SLK: variants seen among roughly 807,000 people sequenced by gnomAD.
SLK encodes STE20-like serine/threonine-protein kinase.
SLK carries 67 observed loss-of-function variants against 147.7 expected under a neutral mutation model. The ratio of observed to expected loss-of-function variants is 0.45; its 90% CI spans 0.37 to 0.56. The LOEUF is 0.56. Ranked by LOEUF, SLK falls within the 20% of genes least tolerant of loss-of-function variation. The pLI, the probability that SLK is intolerant of heterozygous loss-of-function variation, is 0.00. For synonymous variants in SLK, 441 were observed against 475.0 expected (o/e 0.93, Z 0.93); for missense variants, 1,136 against 1,438.8 (o/e 0.79, Z 3.41).
At chr10:104,005,847 A>G in intron 10 of SLK, 65 bp from the exon 11 acceptor site, 1 of 1,552,590 alleles carries the variant, frequency 6.4e-7, no homozygotes, top group Non-Finnish European at 8.7e-7. Context: ...AAGCTTTAAA[A>G]AAAAACGTAT....
chr10:103,989,274 C>T (rs76982319), intron 1 of SLK, among the ~76,000 whole-genome samples: 2 of 151,962 alleles, frequency 1.3e-5, no homozygotes, highest in African/African-American at 2.4e-5. Flanking sequence ...AAAAGATGCT[C>T]GACATCATAT....
At chr10:103,992,854 A>G (rs1844119062) in intron 3 of SLK, 130 bp from the exon 4 acceptor site, 2 of 522,386 alleles carry the variant, frequency 3.8e-6, no homozygotes, top group Non-Finnish European at 6.3e-6. Flanking sequence ...CTTTGTAGAT[A>G]TAGTTCTTTT....
At chr10:104,010,674 C>T (rs1564661246) in intron 12 of SLK, 142 bp from the exon 13 acceptor site, 2 of 452,086 alleles carry the variant, frequency 4.4e-6, no homozygotes, top group East Asian at 6.9e-5. Flanking sequence ...TTCTTTTTCA[C>T]CAGACTAACA....
chr10:103,999,421 G>A (rs768115476), intron 6 of SLK, 108 bp downstream of exon 6: 12 of 810,962 alleles, frequency 1.5e-5, no homozygotes, highest in Non-Finnish European at 2.1e-5. Flanking sequence ...TGGATACATG[G>A]TTCGAAGACT....
At chr10:103,993,760 A>G (rs1844130312) in intron 4 of SLK, among the ~76,000 whole-genome samples, 1 of 152,220 alleles carries the variant, frequency 6.6e-6, no homozygotes, top group Admixed American at 6.5e-5. Flanking sequence ...AAGTCTAGAG[A>G]TGAAGTCCAA....
chr10:104,000,614 A>G (rs1434034652), intron 7 of SLK, among the ~76,000 whole-genome samples: 3 of 152,242 alleles, frequency 2.0e-5, no homozygotes, highest in Non-Finnish European at 4.4e-5. Flanking sequence ...AATGTTGAGT[A>G]TACAAAGATG....
chr10:104,029,169 TGA>T lies in SLK; in HGVS notation c.*3453_*3454del, dbSNP rs1844635429. On this transcript the variant is annotated 3_prime_UTR_variant, in exon 19 of 19. Transcript: ENST00000369755. Reference sequence around the variant, plus strand: ...TTTAAGATTATGCCTCTTATCTACTTGAGAGCAACATGTCTTTTCAATCATGG... The same window carrying T: ...TTTAAGATTATGCCTCTTATCTACTTGAGCAACATGTCTTTTCAATCATGG... The T allele has an allele frequency of 1.3e-5, 2 of 152,344 alleles. No homozygotes were observed. The highest frequency in any genetic ancestry group is 4.1e-4 in the South Asian group (2 of 4,830). The allele number at this position is 152,344 out of a possible 1,614,324, so 9.4% of individuals were successfully genotyped here. A position where few individuals can be genotyped will look rare whatever the true frequency, so the allele number is the denominator to read the frequency against.
intron 18 of SLK, 53 bp downstream of exon 18, chr10:104,021,786 C>T (rs540557215): frequency 8.1e-5 from 74 of 915,524 alleles, no homozygotes; most frequent in Non-Finnish European, 1.2e-4. Flanking sequence ...TCCGTCTACC[C>T]AGCTATTGGC....
intron 12 of SLK, among the ~76,000 whole-genome samples, chr10:104,009,666 T>C (rs1011493082): frequency 6.6e-6 from 1 of 152,166 alleles, no homozygotes; most frequent in African/African-American, 2.4e-5. Flanking sequence ...CAGATAAATA[T>C]ATGGTTTAAT....
At chr10:103,989,464 C>CTTTT (rs68033075) in intron 1 of SLK, among the ~76,000 whole-genome samples, 10 of 78,580 alleles carry the variant, frequency 1.3e-4, no homozygotes, top group East Asian at 3.9e-4. Context: ...GTGGCAGTTT[C>CTTTT]TTTTTTTTTT....
At chr10:103,976,432 A>G (rs781516331) in intron 1 of SLK, among the ~76,000 whole-genome samples, 3 of 152,036 alleles carry the variant, frequency 2.0e-5, no homozygotes, top group Non-Finnish European at 2.9e-5. Flanking sequence ...TGTTATTAAT[A>G]TTATCTTTAA....
intron 14 of SLK, 60 bp downstream of exon 14, chr10:104,018,349 T>C: frequency 6.8e-7 from 1 of 1,476,716 alleles, no homozygotes; most frequent in Non-Finnish European, 9.3e-7. Context: ...ACAGTAGAAG[T>C]GAATGTAAAC....
chr10:104,002,757 A>G lies in SLK; in HGVS notation c.1579A>G (p.Thr527Ala). The G allele has an allele frequency of 6.2e-7, 1 of 1,614,034 alleles. No homozygotes were observed. The highest frequency in any genetic ancestry group is 8.5e-7 in the Non-Finnish European group (1 of 1,179,994). ...DSEVGLTKED[T>A]QEKLGEDDKT... ...TGAAGTTGGGCTTACAAAGGAAGAC[A>G]CCCAAGAGAAATTGGGGGAAGACGA... Residue 527 changes from threonine to alanine, a missense_variant, in exon 9 of 19, where the codon ACC becomes GCC. Thr to Ala is a moderately conservative substitution (Grantham distance 58, BLOSUM62 0). Around this residue, in one of 6 missense-constraint regions of SLK, gnomAD observed 516 missense variants for 531.3 expected, o/e 0.97. Coordinates refer to ENST00000369755, the MANE Select transcript of SLK (RefSeq NM_014720.4).
chr10:104,018,983 G>T (rs1470531782), intron 15 of SLK, 75 bp downstream of exon 15: 1 of 1,371,308 alleles, frequency 7.3e-7, no homozygotes, highest in African/African-American at 1.5e-5. Context: ...TGAAACTTAA[G>T]TTTCTTAGAT....
intron 4 of SLK, among the ~76,000 whole-genome samples, chr10:103,996,318 T>C (rs1844171487): frequency 6.6e-6 from 1 of 152,022 alleles, no homozygotes; most frequent in Non-Finnish European, 1.5e-5. Flanking sequence ...TGTGCTCTTT[T>C]TGCTTAGATG....
intron 1 of SLK, among the ~76,000 whole-genome samples, chr10:103,983,647 T>A (rs1171550019): frequency 6.9e-6 from 1 of 145,748 alleles, no homozygotes; most frequent in Non-Finnish European, 1.5e-5. Flanking sequence ...CTTGTTACTT[T>A]GACCATCACC....
chr10:104,027,983 G>A lies in SLK; in HGVS notation c.*2263G>A, dbSNP rs748291735. The A allele has an allele frequency of 6.6e-6, 1 of 152,046 alleles. No homozygotes were observed. Among genetic ancestry groups the A allele is most frequent in the Non-Finnish European group, 1.5e-5 (1 of 68,014 alleles). 9.4% of individuals were successfully genotyped at this position (152,046 alleles called of 1,614,324 possible). On this transcript the variant is annotated 3_prime_UTR_variant, in exon 19 of 19. Coordinates refer to ENST00000369755, the MANE Select transcript of SLK (RefSeq NM_014720.4). ...GACTGTACAGTGATACATATGTAGA[G>A]GTAAAGCATTCATTTTAATACTTAA...
Position 104,018,202 on chromosome 10 carries a change from T to C in SLK, c.2920T>C (p.Ser974Pro). 1 of 1,606,648 alleles carries C rather than the reference T, an allele frequency of 6.2e-7. No individual in the cohort carries two copies. Among genetic ancestry groups the C allele is most frequent in the Non-Finnish European group, 8.5e-7 (1 of 1,177,946 alleles). The change falls in exon 14 of 19, where the codon TCT becomes CCT. Residue 974 changes from serine to proline, a missense_variant. This residue lies in a region of SLK where 327 missense variants were observed against 457.5 expected (regional missense o/e 0.71). Transcript: ENST00000369755. ...GAAACAACAGCAAGAATTAGATGGC[T>C]CTCTGAAAAAGATCATCCAGCAGCA... Reference protein sequence around the residue: ...VQKQQQELDGSLKKIIQQQKA... With the variant: ...VQKQQQELDGPLKKIIQQQKA...
chr10:103,987,434 A>G, intron 1 of SLK, among the ~76,000 whole-genome samples: 1 of 152,318 alleles, frequency 6.6e-6, no homozygotes, highest in South Asian at 2.1e-4. Context: ...GTTCCTGTTA[A>G]GTGACATTTA....
Sources: allele counts gnomAD v4.1 joint callset (sites outside exome capture counted in the v4.1 genomes callset), GRCh38; gene constraint gnomAD v4.1.1; regional missense constraint gnomAD v4.1.1; transcripts MANE v1.5; gene names NCBI Gene and HGNC (gene_info 2026-07-23, HGNC 2026-07-21).